Variants in GRIK2 observed in about 807,000 individuals in gnomAD.
The protein encoded by GRIK2 is glutamate receptor ionotropic, kainate 2.
Under a neutral mutation model 100.3 loss-of-function variants are expected in GRIK2, and 32 were observed. That is an observed-to-expected ratio of 0.32 (90% CI 0.24 to 0.43). GRIK2 has a LOEUF of 0.43. Among genes scored for constraint, GRIK2 ranks in the 20% least tolerant of loss-of-function variants. The pLI, the probability that GRIK2 is intolerant of heterozygous loss-of-function variation, is 1.00. For synonymous variants in GRIK2, 417 were observed against 389.4 expected (o/e 1.07, Z -0.83); for missense variants, 843 against 1,114.9 (o/e 0.76, Z 3.47).
At chr6:101,739,487 T>A (rs1226614932) in intron 7 of GRIK2, among the ~76,000 whole-genome samples, 1 of 152,166 alleles carries the variant, frequency 6.6e-6, no homozygotes, top group South Asian at 2.1e-4. Context: ...CAGGCTCTGT[T>A]ATTGACTGGC....
chr6:101,602,713 C>T (rs1779279188), intron 2 of GRIK2, among the ~76,000 whole-genome samples: 1 of 151,510 alleles, frequency 6.6e-6, no homozygotes. Flanking sequence ...TACTTTTGTA[C>T]CTGCACCCTT....
chr6:101,628,172 C>A (rs1780549499), intron 4 of GRIK2, among the ~76,000 whole-genome samples: 1 of 151,982 alleles, frequency 6.6e-6, no homozygotes, highest in Non-Finnish European at 1.5e-5. Flanking sequence ...ATATAGAACT[C>A]TGTGCAGAAA....
At chr6:101,686,918 T>C (rs1279608343) in intron 7 of GRIK2, among the ~76,000 whole-genome samples, 1 of 152,092 alleles carries the variant, frequency 6.6e-6, no homozygotes, top group Non-Finnish European at 1.5e-5. Flanking sequence ...ATAACTTAGT[T>C]GTTTATGCCA....
chr6:101,396,678 A>G (rs1775022406), intron 1 of GRIK2, among the ~76,000 whole-genome samples: 1 of 152,152 alleles, frequency 6.6e-6, no homozygotes, highest in South Asian at 2.1e-4. Context: ...TGTCACTCAA[A>G]TATCATGTTA....
At chr6:101,503,234 C>T (rs1245899711) in intron 2 of GRIK2, among the ~76,000 whole-genome samples, 2 of 152,068 alleles carry the variant, frequency 1.3e-5, no homozygotes, top group South Asian at 2.1e-4. Context: ...TAAATACTTA[C>T]TGATCTTGCT....
chr6:102,001,140 A>T (rs1794916215), intron 14 of GRIK2, among the ~76,000 whole-genome samples: 1 of 151,814 alleles, frequency 6.6e-6, no homozygotes, highest in African/African-American at 2.4e-5. Context: ...AAAAACCCAA[A>T]TGCCCGCTAG....
At chr6:101,456,940 T>G (rs1196097128) in intron 2 of GRIK2, among the ~76,000 whole-genome samples, 6 of 152,150 alleles carry the variant, frequency 3.9e-5, no homozygotes, top group African/African-American at 1.2e-4. Context: ...TTCTGGATTC[T>G]TTGGGAGGCT....
intron 11 of GRIK2, among the ~76,000 whole-genome samples, chr6:101,862,251 G>A (rs953252715): frequency 2.0e-5 from 3 of 151,982 alleles, no homozygotes; most frequent in Non-Finnish European, 2.9e-5. Flanking sequence ...GTCTCTCCTA[G>A]TGATCATCGA....
chr6:101,779,877 C>CTCTATA (rs1554262254), intron 7 of GRIK2, among the ~76,000 whole-genome samples: 5 of 151,598 alleles, frequency 3.3e-5, no homozygotes, highest in African/African-American at 1.2e-4. Flanking sequence ...ATCTCTCTCT[C>CTCTATA]TATATATATA....
intron 2 of GRIK2, among the ~76,000 whole-genome samples, chr6:101,514,746 T>G (rs1343280610): frequency 2.0e-5 from 3 of 152,156 alleles, no homozygotes; most frequent in Non-Finnish European, 2.9e-5. Flanking sequence ...TATAAAGTGA[T>G]GATAACATGT....
chr6:101,688,674 A>G (rs1188540697), intron 7 of GRIK2, among the ~76,000 whole-genome samples: 1 of 151,934 alleles, frequency 6.6e-6, no homozygotes, highest in Non-Finnish European at 1.5e-5. Context: ...TGATGAAAAA[A>G]TGTGTCTATT....
intron 2 of GRIK2, among the ~76,000 whole-genome samples, chr6:101,435,759 C>G (rs539581648): frequency 6.6e-5 from 10 of 152,210 alleles, no homozygotes; most frequent in Non-Finnish European, 1.2e-4. Context: ...TTGACATTCT[C>G]CATCTGACAC....
intron 2 of GRIK2, among the ~76,000 whole-genome samples, chr6:101,619,534 T>A (rs951432613): frequency 1.3e-5 from 2 of 151,982 alleles, no homozygotes; most frequent in Non-Finnish European, 2.9e-5. Context: ...TATTATAAAA[T>A]ATGATCTTTA....
chr6:101,700,351 G>A (rs1021481487), intron 7 of GRIK2, among the ~76,000 whole-genome samples: 39 of 151,904 alleles, frequency 2.6e-4, no homozygotes, highest in African/African-American at 8.9e-4. Context: ...GGGGAAGATA[G>A]GGCTCAAACT....
intron 4 of GRIK2, among the ~76,000 whole-genome samples, chr6:101,653,727 A>G (rs977265752): frequency 2.0e-5 from 3 of 151,712 alleles, no homozygotes; most frequent in Admixed American, 2.0e-4. Flanking sequence ...GGTTCAAGCA[A>G]TTCTGCCTCA....
chr6:102,051,862 G>A (rs1028472148), intron 15 of GRIK2, among the ~76,000 whole-genome samples: 1 of 152,168 alleles, frequency 6.6e-6, no homozygotes, highest in Non-Finnish European at 1.5e-5. Flanking sequence ...GAGGCCCCTT[G>A]AAAACATATA....
intron 7 of GRIK2, among the ~76,000 whole-genome samples, chr6:101,793,427 A>G (rs535526019): frequency 1.5e-3 from 231 of 152,270 alleles, no homozygotes; most frequent in African/African-American, 5.4e-3. Context: ...CTTCTAACAG[A>G]CAGGACCCTC....
chr6:101,767,298 G>A (rs1340545236), intron 7 of GRIK2, among the ~76,000 whole-genome samples: 1 of 151,916 alleles, frequency 6.6e-6, no homozygotes, highest in African/African-American at 2.4e-5. Context: ...CTCCTTAAGA[G>A]AGTATTCTTC....
At position 101,959,982 on chromosome 6, in the gene GRIK2, A is replaced by T. The variant is rs187495029; in HGVS notation, c.2085+31350A>T. 5.3e-5 allele frequency among the ~76,000 whole-genome samples: 8 copies of T among 151,464 alleles called. No individual in the cohort carries two copies. The East Asian group carries it at 1.6e-3, about 29-fold the overall frequency. On this transcript the variant is annotated intron_variant, in intron 14 of 16. Transcript: ENST00000369134. ...CAGCTTTTTCTTCTTCTCCCTCAGG[A>T]ATGCCTATAATTCATAGGTTTGGTT...
Sources: allele counts gnomAD v4.1 joint callset (sites outside exome capture counted in the v4.1 genomes callset), GRCh38; gene constraint gnomAD v4.1.1; transcripts MANE v1.5; gene names NCBI Gene and HGNC (gene_info 2026-07-23, HGNC 2026-07-21).